The following LRRC27 variants were observed in gnomAD, a reference collection of about 807,000 sequenced individuals.
LRRC27 encodes the protein leucine-rich repeat-containing protein 27.
A neutral mutation model predicts 55.0 loss-of-function variants in LRRC27; 57 were observed. That is an observed-to-expected ratio of 1.04 (90% CI 0.84 to 1.29). The LOEUF (loss-of-function observed/expected upper bound fraction) is 1.29, where lower values mean the gene tolerates loss of function less well. Ranked by LOEUF, LRRC27 falls within the 50% of genes most tolerant of loss-of-function variation. LRRC27 has a pLI of 0.00. For synonymous variants in LRRC27, 278 were observed against 251.9 expected, an observed-to-expected ratio of 1.10 and a Z score of -0.98; for missense variants, 721 against 651.5, an observed-to-expected ratio of 1.11 and a Z score of -1.16.
chr10:132,331,452 C>A (rs776599601), upstream of LRRC27: 5 of 1,611,372 alleles, frequency 3.1e-6, no homozygotes, highest in Non-Finnish European at 4.2e-6. Context: ...TCCTCGCCCC[C>A]CTCACTCCTC....
chr10:132,331,933 GCA>G, upstream of LRRC27: 1 of 514,808 alleles, frequency 1.9e-6, no homozygotes, highest in Non-Finnish European at 2.9e-6. Context: ...CACCGCAAGC[GCA>G]ACCCCCCGCC....
chr10:132,363,868 G>C (rs955348780), intron 9 of LRRC27, among the ~76,000 whole-genome samples: 3 of 152,164 alleles, frequency 2.0e-5, no homozygotes, highest in Non-Finnish European at 4.4e-5. Context: ...TGCAGAATTT[G>C]TTCCTCCTGG....
chr10:132,364,603 GCGTCCA>G (rs2068917747), intron 9 of LRRC27, among the ~76,000 whole-genome samples: 1 of 22,132 alleles, frequency 4.5e-5, no homozygotes, highest in Middle Eastern at 0.025. Flanking sequence ...CAGGCAGTCC[GCGTCCA>G]CGCTTACATC....
chr10:132,364,652 A>ACTTACACCCACC (rs2068928740), intron 9 of LRRC27, among the ~76,000 whole-genome samples: 2 of 59,190 alleles, frequency 3.4e-5, no homozygotes, highest in Non-Finnish European at 6.6e-5. Flanking sequence ...ACCCACCCAC[A>ACTTACACCCACC]CTTACATCTA....
Position 132,377,372 on chromosome 10 carries a change from G to A in LRRC27, c.*2130G>A, listed in dbSNP as rs2069351302. 6.6e-6 allele frequency: 1 copy of A among 152,072 alleles called. No homozygotes were observed. Among genetic ancestry groups the A allele is most frequent in the African/African-American group, 2.4e-5 (1 of 41,386 alleles). 9.4% of individuals were successfully genotyped at this position (152,072 alleles called of 1,614,324 possible). A position where few individuals can be genotyped will look rare whatever the true frequency, so the allele number is the denominator to read the frequency against. ...TTATATCTCTTGTATTAGAGTTTTAGTAATATCTTTTAATATTATTCTCTT... is the reference window on the plus strand; with the variant it reads ...TTATATCTCTTGTATTAGAGTTTTAATAATATCTTTTAATATTATTCTCTT... On this transcript the variant is annotated 3_prime_UTR_variant, in exon 11 of 11. Coordinates refer to ENST00000368614, the MANE Select transcript of LRRC27 (RefSeq NM_030626.3).
At chr10:132,346,478 C>T (rs1383930494) in intron 5 of LRRC27, among the ~76,000 whole-genome samples, 2 of 152,134 alleles carry the variant, frequency 1.3e-5, no homozygotes, top group African/African-American at 4.8e-5. Context: ...AGATTGAGAC[C>T]ATCCTGGCTA....
chr10:132,349,660 G>A (rs559383251), intron 6 of LRRC27, among the ~76,000 whole-genome samples: 7 of 152,204 alleles, frequency 4.6e-5, no homozygotes, highest in East Asian at 3.9e-4. Flanking sequence ...CTTATTAATC[G>A]TACTTATAAT....
intron 4 of LRRC27, among the ~76,000 whole-genome samples, chr10:132,342,624 C>T (rs532501506): frequency 6.6e-6 from 1 of 152,208 alleles, no homozygotes; most frequent in South Asian, 2.1e-4. Context: ...TACGTATGTT[C>T]CTAGGCCCCA....
chr10:132,331,932 C>G, upstream of LRRC27: 1 of 589,348 alleles, frequency 1.7e-6, no homozygotes, highest in East Asian at 3.5e-5. Context: ...CCACCGCAAG[C>G]GCAACCCCCC....
intron 10 of LRRC27, among the ~76,000 whole-genome samples, chr10:132,367,603 A>G (rs958235696): frequency 6.6e-6 from 1 of 152,262 alleles, no homozygotes; most frequent in Non-Finnish European, 1.5e-5. Context: ...AAGCTAAACA[A>G]GAAAAATCAG....
At chr10:132,369,967 A>G (rs1487360262) in intron 10 of LRRC27, among the ~76,000 whole-genome samples, 1 of 152,090 alleles carries the variant, frequency 6.6e-6, no homozygotes, top group Non-Finnish European at 1.5e-5. Flanking sequence ...CCCCAGCCAC[A>G]CCTGTCTCTC....
chr10:132,337,304 T>TG lies in LRRC27; in HGVS notation c.211-258dup, dbSNP rs2067182766. ...CTTTGGGATAGAAACAGTGGTGTGCTGGGTCAGCAGCAGAGTGCCGGCTCT... is the reference window on the plus strand; with the variant it reads ...CTTTGGGATAGAAACAGTGGTGTGCTGGGGTCAGCAGCAGAGTGCCGGCTCT... On this transcript the variant is annotated intron_variant, in intron 2 of 10. Coordinates refer to ENST00000368614, the MANE Select transcript of LRRC27 (RefSeq NM_030626.3). 1.6e-6 allele frequency: 2 copies of TG among 1,283,362 alleles called. 1 individual carries two copies. Among genetic ancestry groups the TG allele is most frequent in the African/African-American group, 3.0e-5 (2 of 66,252 alleles). 79.5% of individuals were successfully genotyped at this position (1,283,362 alleles called of 1,614,324 possible). A position where few individuals can be genotyped will look rare whatever the true frequency, so the allele number is the denominator to read the frequency against.
intron 10 of LRRC27, chr10:132,367,043 C>T (rs2069111938): frequency 9.1e-7 from 1 of 1,095,788 alleles, no homozygotes; most frequent in South Asian, 1.9e-5. Context: ...GACACCCAAA[C>T]CCTGCCTCTT....
intron 8 of LRRC27, among the ~76,000 whole-genome samples, chr10:132,357,991 G>T (rs1308214625): frequency 6.6e-6 from 1 of 152,212 alleles, no homozygotes; most frequent in East Asian, 1.9e-4. Flanking sequence ...CTGCTTCCCT[G>T]TGCCACCCTC....
At chr10:132,363,685 GGGCCTGAGCTTGGAA>G (rs1203202127) in intron 9 of LRRC27, among the ~76,000 whole-genome samples, 1 of 151,660 alleles carries the variant, frequency 6.6e-6, no homozygotes, top group Non-Finnish European at 1.5e-5. Context: ...AGAGACCGTG[GGGCCTGAGCTTGGAA>G]GGCCCAGGGC....
At position 132,336,887 on chromosome 10, in the gene LRRC27, T is replaced by C. The variant is rs540887308; in HGVS notation, c.211-678T>C. 4.8e-5 allele frequency: 34 copies of C among 705,236 alleles called. 1 individual carries two copies. In the South Asian group the frequency reaches 5.5e-4, roughly 11 times the overall value. The allele number at this position is 705,236 out of a possible 1,614,324, so 43.7% of individuals were successfully genotyped here. A position where few individuals can be genotyped will look rare whatever the true frequency, so the allele number is the denominator to read the frequency against. ...TATTGTAAAAATTAGCTATGATCCT[T>C]CCACACTGTGACTGTAAAATTGTGT... On this transcript the variant is annotated intron_variant, in intron 2 of 10. Transcript: ENST00000368614.
Position 132,351,730 on chromosome 10 carries a change from G to A in LRRC27, c.1050G>A (p.Gln350=). ...CGCTCCGAGAGCTCCAGGAGAAGCA[G>A]GCTCTGATGGAGCAGCAGAGACGGT... ...AAALRELQEK[Q]ALMEQQRREK... The change falls in exon 7 of 11, where the codon CAG becomes CAA. Residue 350 remains glutamine (Q), a synonymous_variant. Coordinates refer to ENST00000368614, the MANE Select transcript of LRRC27 (RefSeq NM_030626.3). The A allele has an allele frequency of 1.2e-6, 2 of 1,613,276 alleles. No individual in the cohort carries two copies. The highest frequency in any genetic ancestry group is 1.7e-6 in the Non-Finnish European group (2 of 1,179,836).
upstream of LRRC27, chr10:132,331,383 G>T (rs2066726491): frequency 6.5e-7 from 1 of 1,542,462 alleles, no homozygotes; most frequent in Non-Finnish European, 8.8e-7. Flanking sequence ...CCTCCCGCCC[G>T]GTGTCATTTC....
intron 6 of LRRC27, among the ~76,000 whole-genome samples, chr10:132,350,025 G>C (rs2067928039): frequency 6.6e-6 from 1 of 152,208 alleles, no homozygotes. Context: ...CCCTTCCTGA[G>C]GGTCTGGGAC....
Sources: gnomAD v4.1 joint callset for allele counts (sites outside exome capture counted in the v4.1 genomes callset) on GRCh38, gnomAD v4.1.1 for gene constraint, MANE v1.5 for transcripts, NCBI Gene and HGNC (gene_info 2026-07-23, HGNC 2026-07-21) for gene names.